Variants in GOLGA1 observed in about 807,000 individuals in gnomAD.
GOLGA1 encodes golgin A1.
Under a neutral mutation model 119.7 loss-of-function variants are expected in GOLGA1, and 63 were observed. The ratio of observed to expected loss-of-function variants is 0.53; its 90% CI spans 0.43 to 0.65. GOLGA1 has a LOEUF of 0.65. GOLGA1 is among the 30% of genes least tolerant of loss of function. The pLI, the probability that GOLGA1 is intolerant of heterozygous loss-of-function variation, is 0.00. For missense variants in GOLGA1, 798 were observed against 912.8 expected, an observed-to-expected ratio of 0.87 and a Z score of 1.62; for synonymous variants, 318 against 333.4, an observed-to-expected ratio of 0.95 and a Z score of 0.50.
chr9:124,904,228 T>C (rs772015589), intron 12 of GOLGA1, among the ~76,000 whole-genome samples: 2 of 151,692 alleles, frequency 1.3e-5, no homozygotes, highest in South Asian at 4.2e-4. Flanking sequence ...GTATCTAGAG[T>C]GTCCAAACTC....
Position 124,929,228 on chromosome 9 carries a change from T to C in GOLGA1, c.289A>G (p.Lys97Glu). 6.2e-7 allele frequency: 1 copy of C among 1,600,732 alleles called. No homozygotes were observed. The highest frequency in any genetic ancestry group is 8.6e-7 in the Non-Finnish European group (1 of 1,167,892). ...IKEKLEIALE[K>E]HQDSSMRKFQ... ...AAAAAATACGTACAATCCTGGTGTT[T>C]TTCTAATGCAATTTCAAGCTTCTCT... Residue 97 changes from lysine (K) to glutamate (E), a missense_variant, in exon 5 of 23, where the codon AAA becomes GAA. Lys to Glu is a moderately conservative substitution (Grantham distance 56, BLOSUM62 1). Transcript: ENST00000373555.
chr9:124,921,915 C>A, intron 8 of GOLGA1, 23 bp from the exon 9 acceptor site: 2 of 1,599,050 alleles, frequency 1.3e-6, no homozygotes, highest in Non-Finnish European at 1.7e-6. Flanking sequence ...TACAAAGTTT[C>A]ATTGGGCTAT....
At chr9:124,943,799 G>A (rs1010260888), upstream of GOLGA1, 3 of 152,070 alleles carry the variant, frequency 2.0e-5, no homozygotes, top group Non-Finnish European at 2.9e-5. Flanking sequence ...TTAAAAAAGG[G>A]AAACTCAACC....
At chr9:124,904,757 T>C (rs1349968522) in intron 12 of GOLGA1, among the ~76,000 whole-genome samples, 2 of 151,996 alleles carry the variant, frequency 1.3e-5, no homozygotes, top group Non-Finnish European at 2.9e-5. Context: ...CTGGCCAACA[T>C]GGTGAAACCT....
At chr9:124,914,246 C>G (rs1005321513) in intron 10 of GOLGA1, among the ~76,000 whole-genome samples, 1 of 152,162 alleles carries the variant, frequency 6.6e-6, no homozygotes, top group Non-Finnish European at 1.5e-5. Context: ...GCCTGTAATC[C>G]CAGCACTTTG....
At chr9:124,896,553 G>T (rs1829991274) in intron 15 of GOLGA1, among the ~76,000 whole-genome samples, 1 of 152,210 alleles carries the variant, frequency 6.6e-6, no homozygotes. Flanking sequence ...CAGTCTTCTT[G>T]CTTCTGCTCA....
chr9:124,912,764 A>T (rs988086399), intron 10 of GOLGA1, among the ~76,000 whole-genome samples: 1 of 152,004 alleles, frequency 6.6e-6, no homozygotes, highest in African/African-American at 2.4e-5. Context: ...GGATGGTCTC[A>T]ATCTCCTGTC....
At chr9:124,914,040 A>G (rs368983541) in intron 10 of GOLGA1, among the ~76,000 whole-genome samples, 4 of 152,362 alleles carry the variant, frequency 2.6e-5, no homozygotes, top group African/African-American at 9.6e-5. Flanking sequence ...TGCAAGGTGG[A>G]TAACACAGGA....
At chr9:124,936,897 T>C (rs1354569714) in intron 3 of GOLGA1, among the ~76,000 whole-genome samples, 2 of 152,186 alleles carry the variant, frequency 1.3e-5, no homozygotes, top group African/African-American at 4.8e-5. Flanking sequence ...ACAAGCAGTA[T>C]TAAATAATAA....
At chr9:124,901,516 C>A (rs536475388) in intron 12 of GOLGA1, among the ~76,000 whole-genome samples, 2 of 150,094 alleles carry the variant, frequency 1.3e-5, no homozygotes, top group African/African-American at 2.5e-5. Flanking sequence ...CTCACTGTAA[C>A]CTCCACCTCC....
chr9:124,892,348 T>C (rs1254618385), intron 15 of GOLGA1, among the ~76,000 whole-genome samples: 1 of 152,250 alleles, frequency 6.6e-6, no homozygotes, highest in East Asian at 1.9e-4. Context: ...TTGAGATGCA[T>C]ACATGGCTCA....
At position 124,888,329 on chromosome 9, in the gene GOLGA1, T is replaced by G. The variant is rs1254271865; in HGVS notation, c.1829A>C (p.Glu610Ala). Residue 610 changes from glutamate to alanine, a missense_variant, in exon 19 of 23, where the codon GAG (glutamate) becomes GCG (alanine). Coordinates refer to ENST00000373555, the MANE Select transcript of GOLGA1 (RefSeq NM_002077.4). The surrounding 1 kb of genome is among the most constrained non-coding windows in gnomAD (Gnocchi z 4.4). Reference protein sequence around the residue: ...LPTAGRTPNGEVGAMDLTQLQ... With the variant: ...LPTAGRTPNGAVGAMDLTQLQ... ...CTGTGTGAGATCCATGGCCCCAACC[T>G]CACCATTTGGTGTTCTTCCTGCAGT... 6.2e-7 allele frequency: 1 copy of G among 1,613,826 alleles called. No individual in the cohort carries two copies. The highest frequency in any genetic ancestry group is 2.2e-5 in the East Asian group (1 of 44,876).
In GOLGA1 at chr9:124,929,336, A is replaced by C. The variant is rs532987291; in HGVS notation, c.227-46T>G. 2.9e-4 allele frequency: 336 copies of C among 1,146,660 alleles called. 6 individuals are homozygous for C. In the South Asian group the frequency reaches 4.0e-3, roughly 14 times the overall value. 71.0% of individuals were successfully genotyped at this position (1,146,660 alleles called of 1,614,324 possible). ...CACATACCAGAAATGGACAAACATC[A>C]GGAAAGGAAGTTAATTAAACAAAAA... On this transcript the variant is annotated intron_variant, in intron 4 of 22. Coordinates refer to ENST00000373555, the MANE Select transcript of GOLGA1 (RefSeq NM_002077.4).
At position 124,881,835 on chromosome 9, in the gene GOLGA1, A is replaced by G; in HGVS notation, c.2085T>C (p.Phe695=). The change falls in exon 21 of 23, where the codon TTT becomes TTC. Residue 695 remains phenylalanine, a synonymous_variant. Transcript: ENST00000373555. The surrounding 1 kb of genome is among the most constrained non-coding windows in gnomAD (Gnocchi z 4.9). ...TTAAAACCACATGTTTAAGGTACTC[A>G]AAGTTGATCTCGCGGGCATCTGTCA... ...TDLTDAREIN[F]EYLKHVVLKF... is the part of the protein sequence containing the mutation. The G allele has an allele frequency of 6.2e-7, 1 of 1,613,248 alleles. No individual in the cohort carries two copies. The highest frequency in any genetic ancestry group is 8.5e-7 in the Non-Finnish European group (1 of 1,179,576).
chr9:124,930,589 AC>A (rs1333952732), intron 4 of GOLGA1, among the ~76,000 whole-genome samples: 1 of 152,214 alleles, frequency 6.6e-6, no homozygotes, highest in Admixed American at 6.5e-5. Context: ...TTCACATACC[AC>A]TTGGTGAACT....
intron 12 of GOLGA1, 68 bp from the exon 13 acceptor site, chr9:124,900,615 A>ATCGCT: frequency 1.4e-6 from 1 of 711,738 alleles, no homozygotes; most frequent in Non-Finnish European, 2.5e-6. Flanking sequence ...ATGGCTTTAA[A>ATCGCT]ATGCAAAGCG....
chr9:124,924,062 G>A (rs1830624095), intron 7 of GOLGA1, among the ~76,000 whole-genome samples: 1 of 151,958 alleles, frequency 6.6e-6, no homozygotes, highest in Non-Finnish European at 1.5e-5. Flanking sequence ...CACCATGTTT[G>A]CCAGGCTGGT....
At position 124,888,268 on chromosome 9, in the gene GOLGA1, A is replaced by T; in HGVS notation, c.1890T>A (p.Leu630=). ...QKEKQDLEQQ[L]LEKNKTIKQM... ...GCATCCTCACCTTATTTTTCTCCAG[A>T]AGTTGCTGCTCCAAGTCCTGTTTCT... The change falls in exon 19 of 23, where the codon CTT becomes CTA. Residue 630 remains leucine (L), a synonymous_variant. Coordinates refer to ENST00000373555, the MANE Select transcript of GOLGA1 (RefSeq NM_002077.4). The surrounding 1 kb of genome is among the most constrained non-coding windows in gnomAD (Gnocchi z 4.4). The T allele has an allele frequency of 6.2e-7, 1 of 1,614,110 alleles. No homozygotes were observed.
At chr9:124,937,089 T>C (rs990363886) in intron 3 of GOLGA1, among the ~76,000 whole-genome samples, 1 of 152,206 alleles carries the variant, frequency 6.6e-6, no homozygotes, top group Non-Finnish European at 1.5e-5. Context: ...AGATTTACTT[T>C]ATGCTTTATA....
Sources: gnomAD v4.1 joint callset for allele counts (sites outside exome capture counted in the v4.1 genomes callset) on GRCh38, gnomAD v4.1.1 for gene constraint, Gnocchi (gnomAD v3.1) non-coding constraint, MANE v1.5 for transcripts, NCBI Gene and HGNC (gene_info 2026-07-23, HGNC 2026-07-21) for gene names.